ODF2: variants seen among roughly 807,000 people sequenced by gnomAD.
ODF2 encodes outer dense fiber of sperm tails 2.
A neutral mutation model predicts 110.2 loss-of-function variants in ODF2; 47 were observed. That is an observed-to-expected ratio of 0.43 (90% CI 0.34 to 0.54). The LOEUF is 0.54. Among genes scored for constraint, ODF2 ranks in the 20% least tolerant of loss-of-function variants. ODF2 has a pLI of 0.03. For synonymous variants in ODF2, 352 were observed against 397.7 expected (o/e 0.89, Z 1.37); for missense variants, 812 against 1,054.5 (o/e 0.77, Z 3.19).
intron 2 of ODF2, chr9:128,457,547 G>C: frequency 7.3e-7 from 1 of 1,375,118 alleles, no homozygotes; most frequent in Non-Finnish European, 9.7e-7. Context: ...TTTGCTGAAA[G>C]TCTGGACCAA....
At chr9:128,493,121 A>G (rs189458671) in intron 16 of ODF2, among the ~76,000 whole-genome samples, 1 of 150,564 alleles carries the variant, frequency 6.6e-6, no homozygotes, top group Non-Finnish European at 1.5e-5. Context: ...ACGGTCTCTC[A>G]CACCTGTAAT....
intron 5 of ODF2, among the ~76,000 whole-genome samples, chr9:128,470,048 A>AT (rs1554829182): frequency 3.7e-5 from 3 of 81,856 alleles, no homozygotes; most frequent in East Asian, 5.3e-4. Flanking sequence ...TATATATATA[A>AT]ATAAAAAAAT....
chr9:128,493,818 A>G (rs1845103475), intron 16 of ODF2, among the ~76,000 whole-genome samples: 1 of 152,122 alleles, frequency 6.6e-6, no homozygotes, highest in Non-Finnish European at 1.5e-5. Context: ...TTTTTGAGAC[A>G]GAGTCTTGCT....
intron 4 of ODF2, among the ~76,000 whole-genome samples, chr9:128,468,119 T>C (rs1196800866): frequency 6.6e-6 from 1 of 152,192 alleles, no homozygotes; most frequent in Admixed American, 6.6e-5. Context: ...TGATTACTCC[T>C]AAGAGCATTT....
chr9:128,466,744 G>A (rs1177765787), intron 4 of ODF2, among the ~76,000 whole-genome samples: 5 of 149,188 alleles, frequency 3.4e-5, no homozygotes, highest in Non-Finnish European at 3.0e-5. Flanking sequence ...TTGGGAGGCC[G>A]AGGCGGGCGG....
At chr9:128,478,651 G>A (rs1388673505) in intron 8 of ODF2, among the ~76,000 whole-genome samples, 1 of 151,028 alleles carries the variant, frequency 6.6e-6, no homozygotes, top group Non-Finnish European at 1.5e-5. Flanking sequence ...TCCTTTTTTG[G>A]TTTCTTAGCT....
downstream of ODF2, chr9:128,500,984 C>G (rs1484562527): frequency 8.5e-5 from 13 of 152,138 alleles, no homozygotes; most frequent in Admixed American, 8.5e-4. Context: ...TTGATGATTT[C>G]CTTTACCCAA....
chr9:128,482,958 C>T (rs1342246636), intron 10 of ODF2, 71 bp downstream of exon 10: 34 of 1,200,802 alleles, frequency 2.8e-5, no homozygotes, highest in African/African-American at 2.5e-4. Flanking sequence ...TGCAATGGCG[C>T]GATCTCAGCT....
chr9:128,473,122 C>G (rs79964048), intron 7 of ODF2, 80 bp downstream of exon 7: 1 of 1,587,424 alleles, frequency 6.3e-7, no homozygotes, highest in Non-Finnish European at 8.6e-7. Context: ...GGTCTTTACG[C>G]GTCATCAGGC....
rs771246814 is a variant in ODF2 at position 128,494,767 on chromosome 9, T to C, written c.1911+99T>C. The C allele has an allele frequency of 2.1e-5, 33 of 1,606,510 alleles. No homozygotes were observed. The East Asian group carries it at 3.6e-4, about 17-fold the overall frequency. On this transcript the variant is annotated intron_variant, in intron 17 of 20. Transcript: ENST00000604420. This position sits in a 1 kb window ranked among gnomAD's most constrained non-coding sequence, Gnocchi z 4.6. The stretch of plus-strand genomic sequence containing the variant: ...CCCCAAGGGAGGACTACTTCCTTTT[T>C]CTTGGCTGCTGCTTTTTAAAAGGAG...
At chr9:128,457,446 G>C in intron 2 of ODF2, 1 of 1,608,170 alleles carries the variant, frequency 6.2e-7, no homozygotes, top group Non-Finnish European at 8.5e-7. Flanking sequence ...AGGTATTGCC[G>C]ATGTGGGAGG....
At chr9:128,498,312 A>G (rs111745014) in intron 18 of ODF2, 101 bp from the exon 19 acceptor site, 367 of 1,398,442 alleles carry the variant, frequency 2.6e-4, no homozygotes, top group Non-Finnish European at 3.2e-4. Context: ...GATTCTTGGC[A>G]TGATGAGATC....
At position 128,485,747 on chromosome 9, in the gene ODF2, T is replaced by G. The variant is rs1006448728; in HGVS notation, c.1400+273T>G. On this transcript the variant is annotated intron_variant, in intron 13 of 20. Transcript: ENST00000604420. The surrounding 1 kb of genome is among the most constrained non-coding windows in gnomAD (Gnocchi z 5.0). Reference sequence around the variant, plus strand: ...GGTCAGAGGTGTGGGTCTGACTTCATCACCTGGGCCTGATCCTGTCCTCAG... The same window carrying G: ...GGTCAGAGGTGTGGGTCTGACTTCAGCACCTGGGCCTGATCCTGTCCTCAG... Among the ~76,000 whole-genome samples, 10 of 152,156 alleles carry G rather than the reference T, an allele frequency of 6.6e-5. No individual in the cohort carries two copies. The highest frequency in any genetic ancestry group is 1.5e-4 in the Non-Finnish European group (10 of 68,028).
chr9:128,484,391 G>A (rs868086884), intron 11 of ODF2, among the ~76,000 whole-genome samples: 4 of 152,122 alleles, frequency 2.6e-5, no homozygotes, highest in Non-Finnish European at 4.4e-5. Context: ...GTCATACTCT[G>A]CTGAGTGACC....
chr9:128,467,886 ATTT>A (rs996119088), intron 4 of ODF2, among the ~76,000 whole-genome samples: 4 of 151,838 alleles, frequency 2.6e-5, no homozygotes, highest in Admixed American at 6.6e-5. Context: ...ATTTTTTTGT[ATTT>A]TTAGTAGACA....
rs550947678 is a variant in ODF2, at chr9:128,457,231, C to T, written c.-175C>T. ...CTGTGCGACTTGGACAGTAGAGGAG[C>T]GCCTCCCAAGTTTTCATCCAACTGC... On this transcript the variant is annotated 5_prime_UTR_variant, in exon 2 of 21. Transcript: ENST00000604420. 2.0e-4 allele frequency: 320 copies of T among 1,586,768 alleles called. No homozygotes were observed. In the African/African-American group the frequency reaches 3.9e-3, roughly 19 times the overall value.
intron 8 of ODF2, among the ~76,000 whole-genome samples, chr9:128,477,109 G>A (rs893798690): frequency 3.3e-5 from 5 of 151,454 alleles, no homozygotes; most frequent in Admixed American, 2.6e-4. Flanking sequence ...ATGGGTACCC[G>A]TAATATCAAC....
chr9:128,472,776 C>A, intron 6 of ODF2, 137 bp from the exon 7 acceptor site: 2 of 1,362,826 alleles, frequency 1.5e-6, no homozygotes, highest in African/African-American at 1.5e-5. Context: ...CCACCCAGGC[C>A]AGAAGGGCTG....
chr9:128,472,122 T>C (rs918114110), intron 6 of ODF2, among the ~76,000 whole-genome samples: 3 of 152,014 alleles, frequency 2.0e-5, no homozygotes, highest in Admixed American at 1.3e-4. Context: ...CTACTAAAAA[T>C]ACAAAAATTA....
Sources: allele counts gnomAD v4.1 joint callset (sites outside exome capture counted in the v4.1 genomes callset), GRCh38; gene constraint gnomAD v4.1.1; non-coding constraint Gnocchi (gnomAD v3.1); transcripts MANE v1.5; gene names NCBI Gene and HGNC (gene_info 2026-07-23, HGNC 2026-07-21).